NEO1: variants seen among roughly 807,000 people sequenced by gnomAD.
NEO1 encodes the protein neogenin.
NEO1 carries 63 observed loss-of-function variants against 159.7 expected under a neutral mutation model. That is an observed-to-expected ratio of 0.39 (90% CI 0.32 to 0.49). NEO1 has a LOEUF of 0.49. NEO1 is among the 20% of genes least tolerant of loss of function. NEO1 has a pLI of 0.85. For synonymous variants in NEO1, 633 were observed against 662.0 expected, an observed-to-expected ratio of 0.96 and a Z score of 0.67; for missense variants, 1,615 against 1,831.0, an observed-to-expected ratio of 0.88 and a Z score of 2.15.
At chr15:73,126,348 G>A in intron 3 of NEO1, 69 bp from the exon 4 acceptor site, 1 of 1,409,508 alleles carries the variant, frequency 7.1e-7, no homozygotes, top group African/African-American at 1.4e-5. Flanking sequence ...GGGATTATGG[G>A]TGTGAGCCAC....
At chr15:73,298,742 T>TGTTAGC in intron 27 of NEO1, 131 bp downstream of exon 27, 1 of 1,303,016 alleles carries the variant, frequency 7.7e-7, no homozygotes. Flanking sequence ...TTAGCAATTC[T>TGTTAGC]GTTAGCGTAG....
intron 5 of NEO1, among the ~76,000 whole-genome samples, chr15:73,174,531 A>G (rs2151945581): frequency 6.6e-6 from 1 of 152,268 alleles, no homozygotes; most frequent in East Asian, 1.9e-4. Context: ...CAGGAGGGTG[A>G]TCATTATTGG....
chr15:73,292,145 A>G (rs1219148311), intron 25 of NEO1, among the ~76,000 whole-genome samples: 1 of 152,200 alleles, frequency 6.6e-6, no homozygotes, highest in Non-Finnish European at 1.5e-5. Context: ...GCAGTGCTCA[A>G]GGGTCCCAGT....
chr15:73,055,227 A>G (rs1206002214), intron 1 of NEO1, among the ~76,000 whole-genome samples: 1 of 152,200 alleles, frequency 6.6e-6, no homozygotes, highest in Non-Finnish European at 1.5e-5. Flanking sequence ...TGTGCAATGC[A>G]TGTCTTCTCT....
intron 5 of NEO1, among the ~76,000 whole-genome samples, chr15:73,150,463 C>T (rs1199868083): frequency 6.6e-6 from 1 of 152,050 alleles, no homozygotes; most frequent in African/African-American, 2.4e-5. Context: ...AGCAAATACC[C>T]ACCACCTTCA....
intron 14 of NEO1, among the ~76,000 whole-genome samples, chr15:73,259,745 C>G (rs1017238887): frequency 1.3e-5 from 2 of 152,198 alleles, no homozygotes; most frequent in Non-Finnish European, 2.9e-5. Flanking sequence ...TTGTAAGCCT[C>G]TTAGTCTCTC....
intron 1 of NEO1, among the ~76,000 whole-genome samples, chr15:73,097,266 GA>G (rs1480132235): frequency 1.3e-5 from 2 of 151,924 alleles, no homozygotes; most frequent in East Asian, 3.9e-4. Context: ...CTTGTGTTGA[GA>G]AATAAAGACG....
chr15:73,302,498 C>A, intron 28 of NEO1, 115 bp from the exon 29 acceptor site: 1 of 878,102 alleles, frequency 1.1e-6, no homozygotes, highest in Non-Finnish European at 1.8e-6. Flanking sequence ...TGTTAGTAGC[C>A]AGTTTTCTGG....
chr15:73,189,785 A>T (rs566076226), intron 7 of NEO1, among the ~76,000 whole-genome samples: 1 of 152,224 alleles, frequency 6.6e-6, no homozygotes, highest in Non-Finnish European at 1.5e-5. Flanking sequence ...TTATAGTTAA[A>T]ATATATAAAA....
At chr15:73,122,374 C>T (rs1357057491) in intron 2 of NEO1, 151 bp from the exon 3 acceptor site, 6 of 656,776 alleles carry the variant, frequency 9.1e-6, no homozygotes, top group African/African-American at 1.8e-5. Flanking sequence ...CCCAGTATCC[C>T]TGTATTTAGC....
intron 5 of NEO1, among the ~76,000 whole-genome samples, chr15:73,166,336 G>A (rs1275562518): frequency 6.6e-6 from 1 of 152,188 alleles, no homozygotes. Flanking sequence ...TGAACTAACA[G>A]TTCCTCTTCT....
At chr15:73,053,011 G>T (rs2151189433) in intron 1 of NEO1, among the ~76,000 whole-genome samples, 1 of 151,990 alleles carries the variant, frequency 6.6e-6, no homozygotes, top group East Asian at 2.0e-4. Flanking sequence ...GCGGCTGCCG[G>T]GGGGCAGGTC....
intron 22 of NEO1, among the ~76,000 whole-genome samples, 171 bp from the exon 23 acceptor site, chr15:73,282,793 A>C (rs1402658717): frequency 6.6e-6 from 1 of 152,258 alleles, no homozygotes; most frequent in Non-Finnish European, 1.5e-5. Context: ...TTAGCTGTCT[A>C]GGAGCTCATC....
rs546155922 is a variant in NEO1 at position 73,114,791 on chromosome 15, T to C, written c.131-1749T>C. Among the ~76,000 whole-genome samples, 27 of 152,278 alleles carry C rather than the reference T, an allele frequency of 1.8e-4. No individual in the cohort carries two copies. The South Asian group carries it at 5.6e-3, about 32-fold the overall frequency. ...TATCTTTTAAGTTTCTGAGTTAAGT[T>C]TGGGGGGTATAATAGAGATTTAATA... On this transcript the variant is annotated intron_variant, in intron 1 of 28. Coordinates refer to ENST00000261908, the MANE Select transcript of NEO1 (RefSeq NM_002499.4).
At chr15:73,220,128 A>G (rs2038149247) in intron 7 of NEO1, among the ~76,000 whole-genome samples, 1 of 152,090 alleles carries the variant, frequency 6.6e-6, no homozygotes, top group Non-Finnish European at 1.5e-5. Flanking sequence ...TGTGGTGACA[A>G]AATCTCTCAG....
intron 1 of NEO1, among the ~76,000 whole-genome samples, chr15:73,066,380 G>C (rs887944675): frequency 8.2e-6 from 1 of 122,244 alleles, no homozygotes; most frequent in Non-Finnish European, 1.7e-5. Flanking sequence ...TCTCCATCTT[G>C]TGTTTTTATT....
At chr15:73,065,516 A>G (rs942568359) in intron 1 of NEO1, among the ~76,000 whole-genome samples, 4 of 152,186 alleles carry the variant, frequency 2.6e-5, no homozygotes, top group Non-Finnish European at 5.9e-5. Flanking sequence ...AACACTTTAC[A>G]TATGTTGTTC....
rs2041102815 is a variant in NEO1 at position 73,270,101 on chromosome 15, T to C, written c.2586T>C (p.Ala862=). The C allele has an allele frequency of 1.2e-6, 2 of 1,614,070 alleles. No individual in the cohort carries two copies. The highest frequency in any genetic ancestry group is 2.7e-5 in the African/African-American group (2 of 74,918). ...TGATGCCACCAGTGGGAGTTCAGGC[T>C]TCCATTCTGAGTCATGACACCATCA... ...TPMMPPVGVQ[A]SILSHDTIRI... The change falls in exon 17 of 29, where the codon GCT becomes GCC. Residue 862 remains alanine (A), a synonymous_variant. Transcript: ENST00000261908.
intron 23 of NEO1, among the ~76,000 whole-genome samples, chr15:73,287,205 C>T (rs951155816): frequency 2.1e-4 from 32 of 152,186 alleles, no homozygotes; most frequent in South Asian, 1.0e-3. Context: ...GCATTGCACT[C>T]TGCTTTAGGG....
Sources: gnomAD v4.1 joint callset for allele counts (sites outside exome capture counted in the v4.1 genomes callset) on GRCh38, gnomAD v4.1.1 for gene constraint, MANE v1.5 for transcripts, NCBI Gene and HGNC (gene_info 2026-07-23, HGNC 2026-07-21) for gene names.